Variants in FNDC3A observed in about 807,000 individuals in gnomAD.
FNDC3A encodes fibronectin type III domain containing 3A.
Under a neutral mutation model 148.9 loss-of-function variants are expected in FNDC3A, and 32 were observed. That is an observed-to-expected ratio of 0.21 (90% CI 0.16 to 0.29). The LOEUF (loss-of-function observed/expected upper bound fraction) is 0.29, where lower values mean the gene tolerates loss of function less well. FNDC3A is among the 10% of genes least tolerant of loss of function. The pLI, the probability that FNDC3A is intolerant of heterozygous loss-of-function variation, is 1.00. For synonymous variants in FNDC3A, 472 were observed against 473.6 expected (o/e 1.00, Z 0.04); for missense variants, 1,191 against 1,452.8 (o/e 0.82, Z 2.93).
chr13:49,095,562 C>A (rs1013765432), intron 3 of FNDC3A: 1 of 151,922 alleles, frequency 6.6e-6, no homozygotes, highest in African/African-American at 2.4e-5. Flanking sequence ...ATTTTCTTAA[C>A]ACTATGAAAG....
At chr13:49,143,368 A>T in intron 7 of FNDC3A, among the ~76,000 whole-genome samples, 1 of 151,126 alleles carries the variant, frequency 6.6e-6, no homozygotes, top group South Asian at 2.1e-4. Flanking sequence ...CAATAAAAAA[A>T]TAATAATAAT....
At chr13:49,194,158 G>A (rs1886035345) in intron 19 of FNDC3A, among the ~76,000 whole-genome samples, 1 of 152,040 alleles carries the variant, frequency 6.6e-6, no homozygotes, top group African/African-American at 2.4e-5. Context: ...AGCTACTCAG[G>A]AGGCTGAGGC....
At chr13:49,083,289 C>G (rs896362143) in intron 3 of FNDC3A, among the ~76,000 whole-genome samples, 9 of 152,138 alleles carry the variant, frequency 5.9e-5, no homozygotes, top group Admixed American at 2.0e-4. Context: ...ATTCTATGCA[C>G]TAAAACAAAT....
chr13:49,195,351 G>A (rs1886096868), intron 19 of FNDC3A, among the ~76,000 whole-genome samples: 1 of 152,162 alleles, frequency 6.6e-6, no homozygotes, highest in Admixed American at 6.5e-5. Context: ...ACATTGTGAT[G>A]ATACAAAATG....
In FNDC3A at chr13:49,178,632, G is replaced by A. The variant is rs750473323; in HGVS notation, c.1595G>A (p.Arg532His). The change falls in exon 14 of 26, where the codon CGT becomes CAT. Residue 532 changes from arginine to histidine, a missense_variant. Coordinates refer to ENST00000492622, the MANE Select transcript of FNDC3A (RefSeq NM_001079673.2). ...DLAYTVKNLRRSTKYKFKVIA... is the reference protein window; with the variant it reads ...DLAYTVKNLRHSTKYKFKVIA... ...GCTTACACAGTGAAAAATCTCAGACGTAGTACTAAGTATAAATTTAAGGTA... is the reference window on the plus strand; with the variant it reads ...GCTTACACAGTGAAAAATCTCAGACATAGTACTAAGTATAAATTTAAGGTA... 4.5e-6 allele frequency: 7 copies of A among 1,561,766 alleles called. No individual in the cohort carries two copies. The highest frequency in any genetic ancestry group is 1.9e-5 in the Admixed American group (1 of 52,024).
chr13:49,168,340 T>C (rs577462629), intron 9 of FNDC3A, among the ~76,000 whole-genome samples: 1 of 152,326 alleles, frequency 6.6e-6, no homozygotes, highest in Non-Finnish European at 1.5e-5. Context: ...AAAGCATCAG[T>C]GTATTCCCCA....
rs769562674 is a variant in FNDC3A at position 49,019,187 on chromosome 13, G to C, written c.99+12898G>C. 4.9e-3 allele frequency among the ~76,000 whole-genome samples: 744 copies of C among 152,264 alleles called. 3 individuals are homozygous for C. The highest frequency in any genetic ancestry group is 8.3e-3 in the Non-Finnish European group (563 of 67,970). Reference sequence around the variant, plus strand: ...TGAGCAAGCCTGGGCAATGGCGGGCGCCCCTCCCCCAGCCTCGCTGCTGCC... The same window carrying C: ...TGAGCAAGCCTGGGCAATGGCGGGCCCCCCTCCCCCAGCCTCGCTGCTGCC... On this transcript the variant is annotated intron_variant, in intron 2 of 25. Coordinates refer to ENST00000492622, the MANE Select transcript of FNDC3A (RefSeq NM_001079673.2).
At chr13:48,993,178 G>A (rs1002684958) in intron 1 of FNDC3A, among the ~76,000 whole-genome samples, 1 of 152,132 alleles carries the variant, frequency 6.6e-6, no homozygotes, top group Non-Finnish European at 1.5e-5. Flanking sequence ...CCAGAATGAG[G>A]TATACACCTT....
intron 2 of FNDC3A, among the ~76,000 whole-genome samples, chr13:49,023,559 G>A (rs1873483681): frequency 6.6e-6 from 1 of 151,656 alleles, no homozygotes; most frequent in East Asian, 1.9e-4. Context: ...AGGGATTCTT[G>A]GTCTAAAAAG....
chr13:49,143,978 TTAC>T lies in FNDC3A; in HGVS notation c.820-1768_820-1766del, dbSNP rs71188348. ...TGGGCAACATAGCAAGACCCCATCT[TTAC>T]TACTACTACTACTACTACTACTACT... is the stretch of plus-strand genomic sequence containing the variant. On this transcript the variant is annotated intron_variant, in intron 7 of 25. Coordinates refer to ENST00000492622, the MANE Select transcript of FNDC3A (RefSeq NM_001079673.2). Among the ~76,000 whole-genome samples the T allele has an allele frequency of 1.2e-3, 165 of 138,924 alleles. 1 individual carries two copies. The highest frequency in any genetic ancestry group is 3.9e-3 in the South Asian group (17 of 4,322). 91.1% of individuals were successfully genotyped at this position (138,924 alleles called of 152,430 possible).
intron 8 of FNDC3A, among the ~76,000 whole-genome samples, chr13:49,165,905 C>T (rs555903144): frequency 6.6e-6 from 1 of 152,100 alleles, no homozygotes; most frequent in East Asian, 1.9e-4. Context: ...TGGGTGGGCT[C>T]AATCTCAGGC....
chr13:49,001,875 C>T (rs545747044), intron 1 of FNDC3A, among the ~76,000 whole-genome samples: 2 of 152,142 alleles, frequency 1.3e-5, no homozygotes, highest in African/African-American at 4.8e-5. Context: ...CTCCATTTGC[C>T]TTGTGATATC....
chr13:49,168,794 C>CT (rs1566302187), intron 10 of FNDC3A, 43 bp downstream of exon 10: 1 of 1,569,680 alleles, frequency 6.4e-7, no homozygotes, highest in Admixed American at 1.7e-5. Context: ...ACATGTGTTT[C>CT]TTTGTTTCCC....
chr13:48,998,440 A>G (rs1952062317), intron 1 of FNDC3A, among the ~76,000 whole-genome samples: 1 of 152,250 alleles, frequency 6.6e-6, no homozygotes, highest in South Asian at 2.1e-4. Flanking sequence ...AAATTATTTA[A>G]AATACTATGT....
intron 14 of FNDC3A, among the ~76,000 whole-genome samples, chr13:49,183,560 G>A (rs1363150305): frequency 1.3e-5 from 2 of 152,182 alleles, no homozygotes; most frequent in Non-Finnish European, 2.9e-5. Context: ...AGGAGACAAT[G>A]TTGAACTATA....
intron 2 of FNDC3A, among the ~76,000 whole-genome samples, chr13:49,037,878 G>A (rs1398317980): frequency 3.3e-5 from 5 of 152,208 alleles, no homozygotes; most frequent in Non-Finnish European, 5.9e-5. Flanking sequence ...GCATTCTACA[G>A]TGCACTCTTA....
At chr13:49,084,862 G>A (rs184097373) in intron 3 of FNDC3A, among the ~76,000 whole-genome samples, 104 of 152,156 alleles carry the variant, frequency 6.8e-4, no homozygotes, top group African/African-American at 2.3e-3. Flanking sequence ...CTGCCAGTAG[G>A]GGTTTATCCT....
intron 1 of FNDC3A, among the ~76,000 whole-genome samples, chr13:48,979,628 A>C (rs1951663349): frequency 6.6e-6 from 1 of 152,088 alleles, no homozygotes; most frequent in Non-Finnish European, 1.5e-5. Flanking sequence ...ATCATTAGGA[A>C]CCTATCACTG....
chr13:49,085,698 A>G (rs971037840), intron 3 of FNDC3A, among the ~76,000 whole-genome samples: 2 of 152,190 alleles, frequency 1.3e-5, no homozygotes, highest in Non-Finnish European at 2.9e-5. Flanking sequence ...GTAACAGACT[A>G]TGTGACAGAA....
Sources: gnomAD v4.1 joint callset for allele counts (sites outside exome capture counted in the v4.1 genomes callset) on GRCh38, gnomAD v4.1.1 for gene constraint, MANE v1.5 for transcripts, NCBI Gene and HGNC (gene_info 2026-07-23, HGNC 2026-07-21) for gene names.